Variants in ZSWIM5 observed in about 807,000 individuals in gnomAD.
The protein encoded by ZSWIM5 is zinc finger SWIM domain-containing protein 5.
ZSWIM5 carries 55 observed loss-of-function variants against 119.6 expected under a neutral mutation model. The ratio of observed to expected loss-of-function variants is 0.46; its 90% CI spans 0.37 to 0.58. ZSWIM5 has a LOEUF of 0.58. ZSWIM5 is among the 20% of genes least tolerant of loss of function. ZSWIM5 has a pLI of 0.00. For synonymous variants in ZSWIM5, 537 were observed against 606.9 expected (o/e 0.88, Z 1.69); for missense variants, 1,193 against 1,512.8 (o/e 0.79, Z 3.51).
At chr1:45,195,513 G>A (rs773640504) in intron 1 of ZSWIM5, among the ~76,000 whole-genome samples, 2 of 151,830 alleles carry the variant, frequency 1.3e-5, no homozygotes, top group South Asian at 2.1e-4. Flanking sequence ...GATTACAAGC[G>A]TAAGCCACTG....
At chr1:45,182,373 C>T (rs934305745) in intron 1 of ZSWIM5, among the ~76,000 whole-genome samples, 5 of 150,644 alleles carry the variant, frequency 3.3e-5, no homozygotes, top group African/African-American at 1.2e-4. Context: ...CACAGCACTC[C>T]CGCCTGGGCG....
chr1:45,040,719 T>A (rs1180842251), intron 6 of ZSWIM5, among the ~76,000 whole-genome samples, 181 bp from the exon 7 acceptor site: 2 of 152,202 alleles, frequency 1.3e-5, no homozygotes, highest in African/African-American at 4.8e-5. Context: ...ACAGGTGATA[T>A]CTTGAAAGAG....
chr1:45,103,139 ATTGAAGGTG>A (rs1342172563), intron 1 of ZSWIM5, among the ~76,000 whole-genome samples: 1 of 152,158 alleles, frequency 6.6e-6, no homozygotes, highest in East Asian at 1.9e-4. Context: ...AAGTGCTGAG[ATTGAAGGTG>A]TGAGCTGAGC....
chr1:45,085,319 G>C (rs546184470), intron 2 of ZSWIM5, among the ~76,000 whole-genome samples: 2 of 152,258 alleles, frequency 1.3e-5, no homozygotes, highest in South Asian at 4.1e-4. Flanking sequence ...GCCTGTGATG[G>C]GAGGGGCTGC....
Position 45,182,335 on chromosome 1 carries a change from C to T in ZSWIM5, c.595+23421G>A, listed in dbSNP as rs953803026. On this transcript the variant is annotated intron_variant, in intron 1 of 13. Transcript: ENST00000359600. ...AGGAGAATGGCGTGAACCCAGAAGG[C>T]GGAGCTTGCAGTGAGCGGAGATCGC... Among the ~76,000 whole-genome samples, 222 of 151,210 alleles carry T rather than the reference C, an allele frequency of 1.5e-3. 1 individual carries two copies. Among genetic ancestry groups the T allele is most frequent in the African/African-American group, 5.2e-3 (213 of 40,798 alleles).
chr1:45,189,945 C>A (rs1646081238), intron 1 of ZSWIM5, among the ~76,000 whole-genome samples: 2 of 152,172 alleles, frequency 1.3e-5, no homozygotes, highest in Admixed American at 1.3e-4. Flanking sequence ...ACTTCCCAGC[C>A]CAATGTTGAC....
Position 45,018,497 on chromosome 1 carries a change from C to G in ZSWIM5, c.3515G>C (p.Gly1172Ala). ...FIDNLKQIYK[G>A]KKKLMLLVRE... Reference sequence around the variant, plus strand: ...CACCAGCAGCATCAACTTTTTCTTGCCTTTGTAGATCTGTTTGAGGTTGTC... The same window carrying G: ...CACCAGCAGCATCAACTTTTTCTTGGCTTTGTAGATCTGTTTGAGGTTGTC... Residue 1172 changes from glycine to alanine, a missense_variant, in exon 14 of 14, where the codon GGC becomes GCC. Gly to Ala is a moderately conservative substitution (Grantham distance 60). Coordinates refer to ENST00000359600, the MANE Select transcript of ZSWIM5 (RefSeq NM_020883.2). The surrounding 1 kb of genome is among the most constrained non-coding windows in gnomAD (Gnocchi z 6.7). 6.2e-7 allele frequency: 1 copy of G among 1,614,172 alleles called. No individual in the cohort carries two copies. The highest frequency in any genetic ancestry group is 8.5e-7 in the Non-Finnish European group (1 of 1,180,022).
At chr1:45,156,711 T>C (rs1351257697) in intron 1 of ZSWIM5, among the ~76,000 whole-genome samples, 2 of 142,622 alleles carry the variant, frequency 1.4e-5, no homozygotes, top group Admixed American at 7.1e-5. Context: ...GTCGGGGTAG[T>C]GTGGGAAGTT....
chr1:45,136,385 A>G (rs1645690022), intron 1 of ZSWIM5, among the ~76,000 whole-genome samples: 1 of 152,184 alleles, frequency 6.6e-6, no homozygotes, highest in African/African-American at 2.4e-5. Flanking sequence ...AACTGGGATT[A>G]CAAGTGTGAG....
chr1:45,048,748 C>T (rs562395161), intron 5 of ZSWIM5, among the ~76,000 whole-genome samples: 1 of 152,134 alleles, frequency 6.6e-6, no homozygotes, highest in East Asian at 1.9e-4. Flanking sequence ...GAGGATGAGA[C>T]TACTGGAAAA....
chr1:45,175,770 T>C (rs140161439), intron 1 of ZSWIM5, among the ~76,000 whole-genome samples: 7 of 151,878 alleles, frequency 4.6e-5, no homozygotes, highest in Admixed American at 2.6e-4. Flanking sequence ...AAAAAAACCA[T>C]TGACACAATG....
At chr1:45,077,004 C>T (rs1405151498) in intron 2 of ZSWIM5, among the ~76,000 whole-genome samples, 4 of 152,104 alleles carry the variant, frequency 2.6e-5, no homozygotes, top group African/African-American at 9.7e-5. Flanking sequence ...TAAACTCCTT[C>T]TCTGTGTTAT....
intron 1 of ZSWIM5, among the ~76,000 whole-genome samples, chr1:45,116,103 G>A (rs1248902168): frequency 6.6e-6 from 1 of 151,994 alleles, no homozygotes; most frequent in Non-Finnish European, 1.5e-5. Context: ...CATGGAGAGA[G>A]GGACAGCGAG....
At chr1:45,041,472 T>C (rs1444446657) in intron 6 of ZSWIM5, among the ~76,000 whole-genome samples, 1 of 151,822 alleles carries the variant, frequency 6.6e-6, no homozygotes, top group African/African-American at 2.4e-5. Context: ...TATAAAGAAA[T>C]ATAAAATAAA....
chr1:45,161,777 C>T (rs1217951339), intron 1 of ZSWIM5, among the ~76,000 whole-genome samples: 1 of 152,142 alleles, frequency 6.6e-6, no homozygotes, highest in Non-Finnish European at 1.5e-5. Context: ...ACACTAGTTA[C>T]CTTATGCCTA....
intron 11 of ZSWIM5, among the ~76,000 whole-genome samples, chr1:45,030,983 G>A (rs1644949340): frequency 6.7e-6 from 1 of 150,038 alleles, no homozygotes; most frequent in Admixed American, 6.6e-5. Flanking sequence ...TTTTTTAGTA[G>A]AGACAGGGTT....
chr1:45,133,903 C>G (rs896077342), intron 1 of ZSWIM5, among the ~76,000 whole-genome samples: 1 of 151,898 alleles, frequency 6.6e-6, no homozygotes, highest in African/African-American at 2.4e-5. Flanking sequence ...TCAGGTTTGT[C>G]AAAGATCAGA....
At position 45,071,542 on chromosome 1, in the gene ZSWIM5, A is replaced by C. The variant is rs575778955; in HGVS notation, c.953-11295T>G. On this transcript the variant is annotated intron_variant, in intron 2 of 13. Transcript: ENST00000359600. ...ATGATCATGGCTCACTGCAGCCTTA[A>C]CCTCCTAAGCTCAAGCAATTCTCTT... is the stretch of plus-strand genomic sequence containing the variant. Among the ~76,000 whole-genome samples the C allele has an allele frequency of 4.2e-5, 6 of 142,704 alleles. No homozygotes were observed. In the South Asian group the frequency reaches 1.4e-3, roughly 33 times the overall value. 93.6% of individuals were successfully genotyped at this position (142,704 alleles called of 152,430 possible). A position where few individuals can be genotyped will look rare whatever the true frequency, so the allele number is the denominator to read the frequency against.
At chr1:45,191,870 T>TA (rs1195693609) in intron 1 of ZSWIM5, among the ~76,000 whole-genome samples, 1 of 152,248 alleles carries the variant, frequency 6.6e-6, no homozygotes, top group Non-Finnish European at 1.5e-5. Flanking sequence ...TCATACATAA[T>TA]AGAGCTCACC....
Sources: allele counts gnomAD v4.1 joint callset (sites outside exome capture counted in the v4.1 genomes callset), GRCh38; gene constraint gnomAD v4.1.1; non-coding constraint Gnocchi (gnomAD v3.1); transcripts MANE v1.5; gene names NCBI Gene and HGNC (gene_info 2026-07-23, HGNC 2026-07-21).